The following ST6GAL1 variants were observed in gnomAD, a reference collection of about 807,000 sequenced individuals.
ST6GAL1 encodes ST6 beta-galactoside alpha-2,6-sialyltransferase 1.
ST6GAL1 carries 20 observed loss-of-function variants against 38.0 expected under a neutral mutation model. That is an observed-to-expected ratio of 0.53 (90% confidence interval 0.37 to 0.77). The LOEUF is 0.77. Ranked by LOEUF, ST6GAL1 falls within the 30% of genes least tolerant of loss-of-function variation. The pLI is 0.00. For missense variants in ST6GAL1, 432 were observed against 496.4 expected (o/e 0.87, Z 1.23); for synonymous variants, 196 against 188.2 (o/e 1.04, Z -0.34).
At chr3:187,065,845 T>G (rs1028477604) in intron 5 of ST6GAL1, among the ~76,000 whole-genome samples, 6 of 152,214 alleles carry the variant, frequency 3.9e-5, no homozygotes, top group African/African-American at 1.4e-4. Flanking sequence ...ACATGCCTTC[T>G]CTCATTTGAT....
intron 2 of ST6GAL1, among the ~76,000 whole-genome samples, chr3:186,995,531 A>AT (rs1716372129): frequency 6.9e-6 from 1 of 145,268 alleles, no homozygotes; most frequent in Non-Finnish European, 1.5e-5. Context: ...ATAAAATAAA[A>AT]AAAAAATAAA....
At chr3:186,957,894 C>T (rs906076550) in intron 1 of ST6GAL1, among the ~76,000 whole-genome samples, 1 of 152,018 alleles carries the variant, frequency 6.6e-6, no homozygotes, top group Non-Finnish European at 1.5e-5. Context: ...GATTTTATCT[C>T]CCACACAGCC....
At chr3:187,042,607 G>A (rs922178114) in intron 3 of ST6GAL1, 47 bp from the exon 4 acceptor site, 1 of 1,498,946 alleles carries the variant, frequency 6.7e-7, no homozygotes, top group African/African-American at 1.4e-5. Context: ...ATGCCACATT[G>A]GGTTTTTCTT....
chr3:186,966,514 G>T (rs371685585), intron 2 of ST6GAL1, among the ~76,000 whole-genome samples: 1 of 152,320 alleles, frequency 6.6e-6, no homozygotes, highest in African/African-American at 2.4e-5. Flanking sequence ...ACTTGCCCAC[G>T]TGGTAGTTCC....
chr3:186,948,354 C>T (rs1714451180), intron 1 of ST6GAL1, among the ~76,000 whole-genome samples: 1 of 152,182 alleles, frequency 6.6e-6, no homozygotes, highest in Non-Finnish European at 1.5e-5. Context: ...CAAAGCAAGG[C>T]CCTGACCTCA....
Position 187,042,878 on chromosome 3 carries a change from G to T in ST6GAL1, c.175G>T (p.Asp59Tyr). 1 of 1,614,184 alleles carries T rather than the reference G, an allele frequency of 6.2e-7. No individual in the cohort carries two copies. Among genetic ancestry groups the T allele is most frequent in the Non-Finnish European group, 8.5e-7 (1 of 1,180,032 alleles). ...KSLGKLAMGS[D>Y]SQSVSSSSTQ... The stretch of plus-strand genomic sequence containing the variant: ...TCTGGGGAAATTGGCCATGGGGTCT[G>T]ATTCCCAGTCTGTATCCTCAAGCAG... The change falls in exon 4 of 8, where the codon GAT becomes TAT. Residue 59 changes from aspartate (D) to tyrosine (Y), a missense_variant. By Grantham distance (160) the Asp-to-Tyr change is radical. Coordinates refer to ENST00000169298, the MANE Select transcript of ST6GAL1 (RefSeq NM_173216.2).
intron 2 of ST6GAL1, among the ~76,000 whole-genome samples, chr3:186,987,209 A>AAAGG (rs1560152293): frequency 1.4e-5 from 2 of 143,592 alleles, no homozygotes; most frequent in African/African-American, 5.5e-5. Flanking sequence ...GGAAGGAAAG[A>AAAGG]AAAGGAAAGA....
At chr3:186,970,070 T>G (rs1278765061) in intron 2 of ST6GAL1, among the ~76,000 whole-genome samples, 1 of 152,208 alleles carries the variant, frequency 6.6e-6, no homozygotes, top group Non-Finnish European at 1.5e-5. Context: ...TTGTTTCTTC[T>G]TACATAATTA....
At chr3:186,946,738 A>G (rs567031106) in intron 1 of ST6GAL1, among the ~76,000 whole-genome samples, 3 of 152,298 alleles carry the variant, frequency 2.0e-5, no homozygotes, top group Admixed American at 1.3e-4. Flanking sequence ...CATTTTATAA[A>G]TAATGAACTA....
intron 1 of ST6GAL1, among the ~76,000 whole-genome samples, chr3:186,944,059 A>T (rs2108516873): frequency 6.6e-6 from 1 of 152,328 alleles, no homozygotes; most frequent in Non-Finnish European, 1.5e-5. Flanking sequence ...TCTGATGTTG[A>T]CAGGTTTTCT....
intron 2 of ST6GAL1, among the ~76,000 whole-genome samples, chr3:187,012,580 A>G (rs3954170): frequency 0.74 from 112,622 of 152,144 alleles, 42,224 homozygotes; most frequent in East Asian, 0.9. Context: ...TTTGAACACC[A>G]AGCAATTAGT....
chr3:187,072,684 G>T (rs1719427986), intron 5 of ST6GAL1, 165 bp from the exon 6 acceptor site: 1 of 704,970 alleles, frequency 1.4e-6, no homozygotes, highest in Non-Finnish European at 2.6e-6. Context: ...GTGCAGGCTG[G>T]TATCTTTACC....
chr3:187,034,518 C>T (rs1717862329), intron 2 of ST6GAL1, among the ~76,000 whole-genome samples: 1 of 152,142 alleles, frequency 6.6e-6, no homozygotes, highest in Admixed American at 6.5e-5. Context: ...AAAACACTAG[C>T]ATACCGAATC....
chr3:186,974,526 A>AT (rs35001352), intron 2 of ST6GAL1, among the ~76,000 whole-genome samples: 16 of 152,060 alleles, frequency 1.1e-4, no homozygotes, highest in Admixed American at 2.6e-4. Flanking sequence ...CAATTCAGTG[A>AT]TTTTTTTTAG....
At chr3:187,025,113 G>A (rs2108568537) in intron 2 of ST6GAL1, among the ~76,000 whole-genome samples, 1 of 151,940 alleles carries the variant, frequency 6.6e-6, no homozygotes, top group South Asian at 2.1e-4. Context: ...GTGGTACGTA[G>A]GTAATTCTCG....
intron 2 of ST6GAL1, among the ~76,000 whole-genome samples, chr3:186,995,351 C>A (rs541445443): frequency 1.5e-3 from 230 of 150,172 alleles, no homozygotes; most frequent in Middle Eastern, 6.9e-3. Flanking sequence ...TACTAAAAAT[C>A]AAAAATTAGC....
chr3:186,994,760 A>G (rs1375876519), intron 2 of ST6GAL1, among the ~76,000 whole-genome samples: 4 of 152,138 alleles, frequency 2.6e-5, no homozygotes, highest in Admixed American at 6.5e-5. Flanking sequence ...CCTGGCCAAC[A>G]TGATGAAACT....
intron 2 of ST6GAL1, among the ~76,000 whole-genome samples, chr3:186,988,423 C>A (rs894851551): frequency 2.0e-5 from 3 of 151,972 alleles, no homozygotes; most frequent in African/African-American, 4.8e-5. Context: ...TTGTATATGC[C>A]AGAATCGAGA....
intron 2 of ST6GAL1, among the ~76,000 whole-genome samples, chr3:187,026,260 G>C (rs186903724): frequency 1.1e-4 from 16 of 152,170 alleles, no homozygotes; most frequent in African/African-American, 3.6e-4. Flanking sequence ...GTTGGTTCCC[G>C]CTTGATAGAG....
Sources: gnomAD v4.1 joint callset for allele counts (sites outside exome capture counted in the v4.1 genomes callset) on GRCh38, gnomAD v4.1.1 for gene constraint, MANE v1.5 for transcripts, NCBI Gene and HGNC (gene_info 2026-07-23, HGNC 2026-07-21) for gene names.